Variants in NUP210 observed in about 807,000 individuals in gnomAD.
NUP210 encodes the protein nucleoporin 210, also known as nuclear pore membrane glycoprotein 210.
A neutral mutation model predicts 196.0 loss-of-function variants in NUP210; 151 were observed. The observed-to-expected ratio is 0.77, with a 90% CI of 0.67 to 0.88. NUP210 has a LOEUF of 0.88. NUP210 is among the 40% of genes least tolerant of loss of function. The pLI is 0.00. For missense variants in NUP210, 2,314 were observed against 2,493.7 expected (o/e 0.93, Z 1.53); for synonymous variants, 1,070 against 1,052.7 (o/e 1.02, Z -0.32).
At chr3:13,397,281 C>A (rs1699689049) in intron 3 of NUP210, 76 bp downstream of exon 3, 4 of 1,522,618 alleles carry the variant, frequency 2.6e-6, no homozygotes, top group Admixed American at 2.2e-5. Context: ...GTGGGGAATG[C>A]AGAGAGGCCA....
chr3:13,381,064 C>T (rs1278715244), intron 6 of NUP210, among the ~76,000 whole-genome samples: 2 of 152,204 alleles, frequency 1.3e-5, no homozygotes, highest in African/African-American at 4.8e-5. Context: ...AATTGAGAAT[C>T]CCAAAGGGAA....
At chr3:13,378,018 C>T (rs1698978062) in intron 8 of NUP210, among the ~76,000 whole-genome samples, 2 of 152,246 alleles carry the variant, frequency 1.3e-5, no homozygotes, top group South Asian at 4.1e-4. Flanking sequence ...ATGCCACCTT[C>T]AGCCCTAAGT....
In NUP210 at chr3:13,340,487, T is replaced by A. The variant is rs1697431118; in HGVS notation, c.3229-189A>T. The stretch of plus-strand genomic sequence containing the variant: ...CTGTCTCCCAGCCACTGGCCGAGGC[T>A]CCCTGGTTCTCTGGGGTGTGTTCTT... On this transcript the variant is annotated intron_variant, in intron 23 of 39. Coordinates refer to ENST00000254508, the MANE Select transcript of NUP210 (RefSeq NM_024923.4). This position sits in a 1 kb window ranked among gnomAD's most constrained non-coding sequence, Gnocchi z 4.0. Among the ~76,000 whole-genome samples the A allele has an allele frequency of 6.6e-6, 1 of 152,186 alleles. No homozygotes were observed. The highest frequency in any genetic ancestry group is 1.5e-5 in the Non-Finnish European group (1 of 68,020).
rs116014419 is a variant in NUP210 at position 13,369,202 on chromosome 3, G to A, written c.1786+2632C>T. ...GATGAGTGATGTTGAGCATCTTCCC[G>A]TGTGCTTATTGTCCGTGTATCAGCT... On this transcript the variant is annotated intron_variant, in intron 13 of 39. Transcript: ENST00000254508. Among the ~76,000 whole-genome samples the A allele has an allele frequency of 5.8e-3, 881 of 152,226 alleles. 6 individuals are homozygous for A. Among genetic ancestry groups the A allele is most frequent in the Admixed American group, 0.018 (274 of 15,284 alleles).
chr3:13,393,499 C>T (rs447231), intron 3 of NUP210, among the ~76,000 whole-genome samples: 2 of 152,338 alleles, frequency 1.3e-5, no homozygotes, highest in South Asian at 2.1e-4. Context: ...CACACAGGAC[C>T]GAGTGCAGGA....
chr3:13,339,440 A>G (rs1697366886), intron 25 of NUP210, among the ~76,000 whole-genome samples: 1 of 152,226 alleles, frequency 6.6e-6, no homozygotes, highest in African/African-American at 2.4e-5. Flanking sequence ...TCTGCAAGTC[A>G]CTGCTGGCGA....
At chr3:13,419,370 T>C (rs1218989697) in intron 1 of NUP210, among the ~76,000 whole-genome samples, 1 of 152,134 alleles carries the variant, frequency 6.6e-6, no homozygotes, top group Non-Finnish European at 1.5e-5. Flanking sequence ...TCTGGTTTCA[T>C]GGGTCCCTGT....
At chr3:13,382,854 A>G (rs1006542522) in intron 6 of NUP210, among the ~76,000 whole-genome samples, 1 of 152,200 alleles carries the variant, frequency 6.6e-6, no homozygotes, top group South Asian at 2.1e-4. Flanking sequence ...TGAAAAAACA[A>G]TCCAGCTAGG....
In NUP210 at chr3:13,377,537, C is replaced by T. The variant is rs759530440; in HGVS notation, c.1071G>A (p.Arg357=). The change falls in exon 9 of 40, where the codon AGG becomes AGA. Residue 357 remains arginine (R), a synonymous_variant. Transcript: ENST00000254508. The part of the protein sequence containing the change: ...YLGFTVHPGD[R]WVLETGRLYE... ...ACAGGCGGCCGGTCTCCAGCACCCA[C>T]CTGTCACCAGGGTGAACAGTGAACC... is the stretch of plus-strand genomic sequence containing the variant. 8 of 1,613,920 alleles carry T rather than the reference C, an allele frequency of 5.0e-6. No individual in the cohort carries two copies.
At chr3:13,378,388 G>A (rs1698991614) in intron 8 of NUP210, among the ~76,000 whole-genome samples, 1 of 152,172 alleles carries the variant, frequency 6.6e-6, no homozygotes, top group African/African-American at 2.4e-5. Context: ...CTGTCCCCTG[G>A]GATGCCCAGT....
At position 13,319,093 on chromosome 3, in the gene NUP210, T is replaced by C; in HGVS notation, c.5542A>G (p.Ser1848Gly). 2 of 1,606,680 alleles carry C rather than the reference T, an allele frequency of 1.2e-6. No homozygotes were observed. The highest frequency in any genetic ancestry group is 2.2e-5 in the South Asian group (2 of 89,014). Residue 1848 changes from serine (S) to glycine (G), a missense_variant, in exon 39 of 40, where the codon AGC becomes GGC. Physicochemically the swap from Ser to Gly is moderately conservative, Grantham distance 56. Coordinates refer to ENST00000254508, the MANE Select transcript of NUP210 (RefSeq NM_024923.4). ...AVPAALTPRA[S>G]PGHSPHYFAA... ...TCACAGTGGGGGCTGTGTCCAGGGCTGGCTCGAGGCGTGAGGGCTGCAGGC... is the reference window on the plus strand; with the variant it reads ...TCACAGTGGGGGCTGTGTCCAGGGCCGGCTCGAGGCGTGAGGGCTGCAGGC...
At position 13,371,585 on chromosome 3, in the gene NUP210, A is replaced by G. The variant is rs528751470; in HGVS notation, c.1786+249T>C. Among the ~76,000 whole-genome samples, 420 of 152,360 alleles carry G rather than the reference A, an allele frequency of 2.8e-3. 1 individual carries two copies. The highest frequency in any genetic ancestry group is 4.6e-3 in the Non-Finnish European group (313 of 68,032). On this transcript the variant is annotated intron_variant, in intron 13 of 39. Coordinates refer to ENST00000254508, the MANE Select transcript of NUP210 (RefSeq NM_024923.4). ...GGCACTTTGATGTGATTCTATGTAG[A>G]TGACACACAGCTTAGAGATGTGAAA...
In NUP210 at chr3:13,347,803, A is replaced by T. The variant is rs1697808431; in HGVS notation, c.2835+4076T>A. 6.6e-6 allele frequency among the ~76,000 whole-genome samples: 1 copy of T among 152,228 alleles called. No individual in the cohort carries two copies. Among genetic ancestry groups the T allele is most frequent in the African/African-American group, 2.4e-5 (1 of 41,456 alleles). On this transcript the variant is annotated intron_variant, in intron 20 of 39. Coordinates refer to ENST00000254508, the MANE Select transcript of NUP210 (RefSeq NM_024923.4). This position sits in a 1 kb window ranked among gnomAD's most constrained non-coding sequence, Gnocchi z 4.7. ...TGCAACTGTTTCTGAAGCAACCAGGACTTGCTGCTGACGTCAATACTCCCT... is the reference window on the plus strand; with the variant it reads ...TGCAACTGTTTCTGAAGCAACCAGGTCTTGCTGCTGACGTCAATACTCCCT...
At chr3:13,375,125 T>A (rs1352857509) in intron 11 of NUP210, among the ~76,000 whole-genome samples, 4 of 150,774 alleles carry the variant, frequency 2.7e-5, no homozygotes, top group Non-Finnish European at 4.4e-5. Context: ...CCAGGTTTTC[T>A]TTATTCTATT....
Position 13,319,262 on chromosome 3 carries a change from G to A in NUP210, c.5447C>T (p.Ala1816Val), listed in dbSNP as rs745990443. The A allele has an allele frequency of 1.2e-6, 2 of 1,613,356 alleles. No individual in the cohort carries two copies. The highest frequency in any genetic ancestry group is 8.5e-7 in the Non-Finnish European group (1 of 1,179,658). ...CATGACCGCTGTCCCAGCCAACAGGGCGAAGAGCGTGAAGAACATGACCTG... is the reference window on the plus strand; with the variant it reads ...CATGACCGCTGTCCCAGCCAACAGGACGAAGAGCGTGAAGAACATGACCTG... ...SYQVMFFTLFALLAGTAVMII... is the reference protein window; with the variant it reads ...SYQVMFFTLFVLLAGTAVMII... The change falls in exon 38 of 40, where the codon GCC (alanine) becomes GTC (valine). Residue 1816 changes from alanine (A) to valine (V), a missense_variant. Physicochemically the swap from Ala to Val is moderately conservative, Grantham distance 64. Transcript: ENST00000254508.
In NUP210 at chr3:13,401,512, G is replaced by C. The variant is rs2655252; in HGVS notation, c.168-1651C>G. 7.2e-5 allele frequency among the ~76,000 whole-genome samples: 11 copies of C among 152,302 alleles called. No homozygotes were observed. The East Asian group carries it at 2.1e-3, about 29-fold the overall frequency. ...AAGGAAAGCAATCTACACCCCGGAG[G>C]AAGTGTGTCTGTGGCCCCTTGTGGA... On this transcript the variant is annotated intron_variant, in intron 1 of 39. Transcript: ENST00000254508.
At chr3:13,410,453 C>T (rs1700132043) in intron 1 of NUP210, among the ~76,000 whole-genome samples, 1 of 149,298 alleles carries the variant, frequency 6.7e-6, no homozygotes, top group African/African-American at 2.4e-5. Context: ...GCTGGGATTA[C>T]AGGCGTGAGC....
intron 14 of NUP210, among the ~76,000 whole-genome samples, chr3:13,363,709 C>A (rs1698441435): frequency 2.6e-5 from 4 of 152,158 alleles, no homozygotes; most frequent in African/African-American, 9.7e-5. Flanking sequence ...ATCTTACCTG[C>A]TAACTAGGAA....
At chr3:13,382,522 G>C (rs2124925565) in intron 6 of NUP210, among the ~76,000 whole-genome samples, 1 of 152,240 alleles carries the variant, frequency 6.6e-6, no homozygotes, top group East Asian at 1.9e-4. Flanking sequence ...CTCAGGAAAT[G>C]TATTTGCAAG....
Sources: gnomAD v4.1 joint callset for allele counts (sites outside exome capture counted in the v4.1 genomes callset) on GRCh38, gnomAD v4.1.1 for gene constraint, Gnocchi (gnomAD v3.1) non-coding constraint, MANE v1.5 for transcripts, NCBI Gene and HGNC (gene_info 2026-07-23, HGNC 2026-07-21) for gene names.